GRB14: variants seen among roughly 807,000 people sequenced by gnomAD.
The protein encoded by GRB14 is growth factor receptor bound protein 14.
Under a neutral mutation model 69.1 loss-of-function variants are expected in GRB14, and 38 were observed. The ratio of observed to expected loss-of-function variants is 0.55; its 90% CI spans 0.42 to 0.72. The LOEUF is 0.72. Ranked by LOEUF, GRB14 falls within the 30% of genes least tolerant of loss-of-function variation. The pLI is 0.00. For missense variants in GRB14, 666 were observed against 666.1 expected, an observed-to-expected ratio of 1.00 and a Z score of 0.00; for synonymous variants, 247 against 241.3, an observed-to-expected ratio of 1.02 and a Z score of -0.22.
chr2:164,520,161 T>A (rs1417175745), intron 6 of GRB14, among the ~76,000 whole-genome samples: 1 of 151,830 alleles, frequency 6.6e-6, no homozygotes, highest in Non-Finnish European at 1.5e-5. Context: ...GGTATAAAAA[T>A]AGGCACATAG....
chr2:164,502,332 C>T lies in GRB14; in HGVS notation c.1027G>A (p.Gly343Ser), dbSNP rs781552856. ...WVTAIRLLKY[G>S]MQLYQNYMHP... ...ATATAATTCTGGTACAGCTGCATGC[C>T]ATACTGCAGAATAAATAAATAAAAC... The change falls in exon 9 of 14, where the codon GGC (glycine) becomes AGC (serine). Residue 343 changes from glycine to serine, a missense_variant. Transcript: ENST00000263915. 2 of 1,550,700 alleles carry T rather than the reference C, an allele frequency of 1.3e-6. No individual in the cohort carries two copies. The highest frequency in any genetic ancestry group is 1.8e-6 in the Non-Finnish European group (2 of 1,124,272).
At chr2:164,513,384 ATTAAG>A (rs1687390140) in intron 6 of GRB14, among the ~76,000 whole-genome samples, 1 of 152,192 alleles carries the variant, frequency 6.6e-6, no homozygotes, top group Non-Finnish European at 1.5e-5. Flanking sequence ...TGAAGATATA[ATTAAG>A]TTAAGGATCT....
rs746770908 is a variant in GRB14, at chr2:164,547,827, A to G, written c.325-11T>C. On this transcript the variant is annotated splice_polypyrimidine_tract_variant and intron_variant, in intron 2 of 13. Coordinates refer to ENST00000263915, the MANE Select transcript of GRB14 (RefSeq NM_004490.3). ...GTATACTTTAATCACCTGTGTAGGT[A>G]GAAACAAGAAAAAGACCTAAAATAT... 3.5e-5 allele frequency: 56 copies of G among 1,579,056 alleles called. No individual in the cohort carries two copies. Among genetic ancestry groups the G allele is most frequent in the Non-Finnish European group, 4.7e-5 (54 of 1,160,146 alleles).
At chr2:164,493,239 C>A in intron 13 of GRB14, 57 bp from the exon 14 acceptor site, 1 of 1,506,772 alleles carries the variant, frequency 6.6e-7, no homozygotes, top group Non-Finnish European at 9.0e-7. Flanking sequence ...GAAGGACAAT[C>A]ATATTCGATT....
At chr2:164,556,637 T>G (rs1293289767) in intron 2 of GRB14, among the ~76,000 whole-genome samples, 3 of 152,188 alleles carry the variant, frequency 2.0e-5, no homozygotes, top group Non-Finnish European at 4.4e-5. Context: ...ACGGTTTCCC[T>G]ACCCTCTACT....
At chr2:164,567,491 G>A (rs1689006790) in intron 2 of GRB14, among the ~76,000 whole-genome samples, 1 of 152,070 alleles carries the variant, frequency 6.6e-6, no homozygotes, top group African/African-American at 2.4e-5. Flanking sequence ...AGTTTCTAGT[G>A]TCACCAAAAC....
chr2:164,582,733 A>ACTCCCTAAGAATTTT (rs1379295054), intron 2 of GRB14, among the ~76,000 whole-genome samples: 1 of 152,140 alleles, frequency 6.6e-6, no homozygotes, highest in Non-Finnish European at 1.5e-5. Flanking sequence ...TTCAGCTCTT[A>ACTCCCTAAGAATTTT]CAGTTCACTC....
At chr2:164,527,933 C>A (rs886268789) in intron 3 of GRB14, among the ~76,000 whole-genome samples, 1 of 151,840 alleles carries the variant, frequency 6.6e-6, no homozygotes, top group African/African-American at 2.4e-5. Context: ...TTGAAACTAC[C>A]CAAATGCCCA....
Position 164,621,064 on chromosome 2 carries a change from C to T in GRB14, c.191+55G>A, listed in dbSNP as rs866829363. ...TCACCCCCTAGGACCGCCTCCTCAC[C>T]CCCTCGCCGGCTGCCCAGCCAGGAC... On this transcript the variant is annotated intron_variant, in intron 1 of 13. Coordinates refer to ENST00000263915, the MANE Select transcript of GRB14 (RefSeq NM_004490.3). The surrounding 1 kb of genome is among the most constrained non-coding windows in gnomAD (Gnocchi z 6.0). The T allele has an allele frequency of 1.9e-4, 232 of 1,236,224 alleles. No homozygotes were observed. The highest frequency in any genetic ancestry group is 1.5e-3 in the Middle Eastern group (5 of 3,228). 76.6% of individuals were successfully genotyped at this position (1,236,224 alleles called of 1,614,324 possible).
chr2:164,498,902 T>G (rs1686976852), intron 9 of GRB14, among the ~76,000 whole-genome samples: 2 of 152,178 alleles, frequency 1.3e-5, no homozygotes. Context: ...GCATGCAATC[T>G]TTCATTTGTT....
chr2:164,574,201 A>C (rs2105332700), intron 2 of GRB14: 3 of 548,242 alleles, frequency 5.5e-6, no homozygotes, highest in Admixed American at 3.3e-5. Context: ...TTTCCCCTCC[A>C]CTCTAACAGT....
intron 2 of GRB14, among the ~76,000 whole-genome samples, chr2:164,576,757 T>A (rs986085533): frequency 6.7e-6 from 1 of 150,074 alleles, no homozygotes; most frequent in African/African-American, 2.4e-5. Context: ...TTTAAAAAAA[T>A]TATTAAATTA....
chr2:164,494,720 C>T (rs560279281), intron 12 of GRB14, among the ~76,000 whole-genome samples, 196 bp from the exon 13 acceptor site: 4 of 152,240 alleles, frequency 2.6e-5, no homozygotes, highest in African/African-American at 7.2e-5. Flanking sequence ...GTCATCACTG[C>T]TACTGTAATT....
chr2:164,617,189 A>G (rs764479657), intron 2 of GRB14, among the ~76,000 whole-genome samples: 1 of 152,138 alleles, frequency 6.6e-6, no homozygotes, highest in Non-Finnish European at 1.5e-5. Context: ...AGAGATCTCA[A>G]CCATTGGGCC....
intron 2 of GRB14, among the ~76,000 whole-genome samples, chr2:164,583,044 AC>A (rs2105339528): frequency 6.6e-6 from 1 of 152,226 alleles, no homozygotes; most frequent in East Asian, 1.9e-4. Context: ...CACCATCCAC[AC>A]TTCCCCAGCT....
intron 3 of GRB14, among the ~76,000 whole-genome samples, chr2:164,545,962 G>C (rs1688362844): frequency 6.6e-6 from 1 of 152,076 alleles, no homozygotes; most frequent in Admixed American, 6.6e-5. Context: ...AAAATGTGAA[G>C]GACTTACTTA....
chr2:164,581,870 C>A lies in GRB14; in HGVS notation c.325-34054G>T, dbSNP rs1456707724. Among the ~76,000 whole-genome samples the A allele has an allele frequency of 2.0e-5, 3 of 152,274 alleles. No homozygotes were observed. In the East Asian group the frequency reaches 5.8e-4, roughly 29 times the overall value. On this transcript the variant is annotated intron_variant, in intron 2 of 13. Transcript: ENST00000263915. ...CCCCTTGATTTAAAGAAAAAAGACA[C>A]TAAACTTTCCCTCCAGCTAAATTAT...
chr2:164,600,826 C>T (rs140252880), intron 2 of GRB14, among the ~76,000 whole-genome samples: 11 of 152,068 alleles, frequency 7.2e-5, no homozygotes, highest in African/African-American at 2.4e-4. Flanking sequence ...TGATTCCATG[C>T]TTTTAAGACC....
chr2:164,566,064 G>T (rs1688965466), intron 2 of GRB14, among the ~76,000 whole-genome samples: 1 of 152,100 alleles, frequency 6.6e-6, no homozygotes, highest in Admixed American at 6.5e-5. Flanking sequence ...CACTCATTCA[G>T]GATGAGTGAA....
Sources: allele counts gnomAD v4.1 joint callset (sites outside exome capture counted in the v4.1 genomes callset), GRCh38; gene constraint gnomAD v4.1.1; non-coding constraint Gnocchi (gnomAD v3.1); transcripts MANE v1.5; gene names NCBI Gene and HGNC (gene_info 2026-07-23, HGNC 2026-07-21).